TRERF1: variants seen among roughly 807,000 people sequenced by gnomAD.
The protein encoded by TRERF1 is transcriptional-regulating factor 1.
In TRERF1, 27 loss-of-function variants were observed where a neutral mutation model predicts 122.9. That is an observed-to-expected ratio of 0.22 (90% CI 0.16 to 0.30). The LOEUF (loss-of-function observed/expected upper bound fraction) is 0.30, where lower values mean the gene tolerates loss of function less well. TRERF1 is among the 10% of genes least tolerant of loss of function. The pLI is 1.00. For missense variants in TRERF1, 1,248 were observed against 1,560.3 expected, an observed-to-expected ratio of 0.80 and a Z score of 3.37; for synonymous variants, 636 against 641.7, an observed-to-expected ratio of 0.99 and a Z score of 0.13.
At chr6:42,230,890 G>A (rs1770420194) in intron 17 of TRERF1, among the ~76,000 whole-genome samples, 1 of 152,212 alleles carries the variant, frequency 6.6e-6, no homozygotes, top group Non-Finnish European at 1.5e-5. Context: ...CAGCCTGCAT[G>A]GTGTGAATCC....
chr6:42,325,602 G>A (rs1017514228), intron 3 of TRERF1, among the ~76,000 whole-genome samples: 2 of 152,138 alleles, frequency 1.3e-5, no homozygotes, highest in Non-Finnish European at 2.9e-5. Context: ...GGTTGGGTGT[G>A]GTGACTCACA....
chr6:42,412,626 T>C (rs1781276529), intron 2 of TRERF1, among the ~76,000 whole-genome samples: 1 of 152,150 alleles, frequency 6.6e-6, no homozygotes, highest in Non-Finnish European at 1.5e-5. Context: ...CAAATGGACC[T>C]ACAAAGTCAG....
At chr6:42,314,213 C>T (rs1181261498) in intron 3 of TRERF1, among the ~76,000 whole-genome samples, 3 of 152,202 alleles carry the variant, frequency 2.0e-5, no homozygotes, top group Non-Finnish European at 4.4e-5. Context: ...GTATAAGCTT[C>T]AGCTAAATTC....
rs528686498 is a variant in TRERF1, at chr6:42,339,299, T to C, written c.-371+23698A>G. The stretch of plus-strand genomic sequence containing the variant: ...CCTGTCCTCCACGTCTCTCCTTCCA[T>C]CTGCTTCACCTCCTTGCCTATTTAC... On this transcript the variant is annotated intron_variant, in intron 3 of 17. Transcript: ENST00000372922. Among the ~76,000 whole-genome samples, 7 of 152,358 alleles carry C rather than the reference T, an allele frequency of 4.6e-5. No homozygotes were observed. In the South Asian group the frequency reaches 1.2e-3, roughly 27 times the overall value.
intron 3 of TRERF1, among the ~76,000 whole-genome samples, chr6:42,342,173 G>T (rs1562025202): frequency 6.6e-6 from 1 of 152,232 alleles, no homozygotes; most frequent in African/African-American, 2.4e-5. Context: ...GAGCAGAAAT[G>T]AAAGCCCAAC....
chr6:42,279,576 T>C (rs1781916861), intron 4 of TRERF1, among the ~76,000 whole-genome samples: 2 of 152,204 alleles, frequency 1.3e-5, no homozygotes, highest in African/African-American at 2.4e-5. Context: ...GCAGGCTCTG[T>C]TGCTATCACT....
At chr6:42,409,679 C>T (rs1171080110) in intron 2 of TRERF1, among the ~76,000 whole-genome samples, 1 of 152,186 alleles carries the variant, frequency 6.6e-6, no homozygotes, top group South Asian at 2.1e-4. Context: ...TCTCTTCCTT[C>T]CCTATACCAA....
At chr6:42,357,214 A>G (rs890096635) in intron 3 of TRERF1, among the ~76,000 whole-genome samples, 2 of 151,402 alleles carry the variant, frequency 1.3e-5, no homozygotes, top group Non-Finnish European at 2.9e-5. Flanking sequence ...CTGTAATCCC[A>G]GCTACTCAGG....
rs1324884193 is a variant in TRERF1, at chr6:42,228,689, G to A, written c.3279-20C>T. The A allele has an allele frequency of 1.3e-6, 2 of 1,570,838 alleles. No homozygotes were observed. Among genetic ancestry groups the A allele is most frequent in the Admixed American group, 1.9e-5 (1 of 52,642 alleles). ...AAGACTCTAAAAATAAAGAAAGAGA[G>A]GTGTGTAGAATTTAGAAGGAGATCT... On this transcript the variant is annotated intron_variant, in intron 17 of 17. Coordinates refer to ENST00000372922, the Ensembl canonical transcript of TRERF1. This position sits in a 1 kb window ranked among gnomAD's most constrained non-coding sequence, Gnocchi z 4.2.
At chr6:42,262,443 AGAGAGAGAGAGAGAGAGAGAGAG>A (rs1196449799) in intron 8 of TRERF1, among the ~76,000 whole-genome samples, 1 of 38,914 alleles carries the variant, frequency 2.6e-5, no homozygotes, top group Non-Finnish European at 4.8e-5. Flanking sequence ...GCAGAGAGAG[AGAGAGAGAGAGAGAGAGAGAGAG>A]GAGAGAGAGA....
Position 42,259,744 on chromosome 6 carries a change from T to C in TRERF1, c.1885-21A>G. ...ATTTCCTAAAACCGGAACAACGATC[T>C]GATTCGAATACTTCAGCTTCCCCCG... is the stretch of plus-strand genomic sequence containing the variant. On this transcript the variant is annotated intron_variant, in intron 8 of 17. Transcript: ENST00000372922. The surrounding 1 kb of genome is among the most constrained non-coding windows in gnomAD (Gnocchi z 4.9). The C allele has an allele frequency of 6.3e-7, 1 of 1,599,912 alleles. No individual in the cohort carries two copies. The highest frequency in any genetic ancestry group is 2.2e-5 in the East Asian group (1 of 44,830).
intron 2 of TRERF1, among the ~76,000 whole-genome samples, chr6:42,372,909 C>T (rs1046124291): frequency 3.3e-5 from 5 of 152,062 alleles, no homozygotes; most frequent in African/African-American, 9.7e-5. Flanking sequence ...AGTGTGTGTT[C>T]GGGAGTCACG....
Position 42,311,591 on chromosome 6 carries a change from C to T in TRERF1, c.-370-10842G>A, listed in dbSNP as rs566787585. ...CATCCTGGCTAACATGATGAAACCC[C>T]GTCTCTACTAAAAATACAAAAAAAA... On this transcript the variant is annotated intron_variant, in intron 3 of 17. Coordinates refer to ENST00000372922, the Ensembl canonical transcript of TRERF1. 9.3e-4 allele frequency among the ~76,000 whole-genome samples: 141 copies of T among 151,810 alleles called. 2 individuals carry two copies. The highest frequency in any genetic ancestry group is 3.0e-3 in the African/African-American group (125 of 41,404).
intron 4 of TRERF1, among the ~76,000 whole-genome samples, chr6:42,281,841 A>C (rs901963202): frequency 6.6e-6 from 1 of 152,242 alleles, no homozygotes; most frequent in African/African-American, 2.4e-5. Flanking sequence ...CAGGCTAGGC[A>C]CAGTGCCAAG....
chr6:42,420,169 T>C (rs1782554830), intron 2 of TRERF1, among the ~76,000 whole-genome samples: 2 of 152,214 alleles, frequency 1.3e-5, no homozygotes, highest in African/African-American at 4.8e-5. Flanking sequence ...GTCACCTCCC[T>C]TCCCAGGACT....
intron 4 of TRERF1, among the ~76,000 whole-genome samples, chr6:42,294,666 T>C (rs750783734): frequency 6.6e-6 from 1 of 152,156 alleles, no homozygotes; most frequent in African/African-American, 2.4e-5. Flanking sequence ...ACAGGAGCTC[T>C]TGGCCTGGGG....
rs372932540 is a variant in TRERF1 at position 42,288,216 on chromosome 6, G to A, written c.-259+12422C>T. On this transcript the variant is annotated intron_variant, in intron 4 of 17. Coordinates refer to ENST00000372922, the Ensembl canonical transcript of TRERF1. Reference sequence around the variant, plus strand: ...TCAGTTATATAGGGCTTGCAGTCTGGGTGTGTGCATGTCAGCCAGAGACAA... The same window carrying A: ...TCAGTTATATAGGGCTTGCAGTCTGAGTGTGTGCATGTCAGCCAGAGACAA... 4.6e-5 allele frequency among the ~76,000 whole-genome samples: 7 copies of A among 151,968 alleles called. No homozygotes were observed. In the East Asian group the frequency reaches 1.3e-3, roughly 29 times the overall value.
At chr6:42,362,259 A>G (rs1771906768) in intron 3 of TRERF1, among the ~76,000 whole-genome samples, 1 of 152,240 alleles carries the variant, frequency 6.6e-6, no homozygotes, top group African/African-American at 2.4e-5. Context: ...AACCGAAGCA[A>G]TCAATTCTGA....
chr6:42,327,143 G>A (rs1764426460), intron 3 of TRERF1, among the ~76,000 whole-genome samples: 1 of 152,146 alleles, frequency 6.6e-6, no homozygotes, highest in Non-Finnish European at 1.5e-5. Flanking sequence ...GGTCAATAGT[G>A]GCTGATTCTC....
Sources: gnomAD v4.1 joint callset for allele counts (sites outside exome capture counted in the v4.1 genomes callset) on GRCh38, gnomAD v4.1.1 for gene constraint, Gnocchi (gnomAD v3.1) non-coding constraint, MANE v1.5 for transcripts, NCBI Gene and HGNC (gene_info 2026-07-23, HGNC 2026-07-21) for gene names.